ERCC2: variants seen among roughly 807,000 people sequenced by gnomAD.
ERCC2 encodes general transcription and DNA repair factor IIH helicase subunit XPD.
In ERCC2, 90 loss-of-function variants were observed where a neutral mutation model predicts 99.4. That is an observed-to-expected ratio of 0.91 (90% CI 0.76 to 1.08). ERCC2 has a LOEUF of 1.08. ERCC2 is among the 50% of genes least tolerant of loss of function. The pLI is 0.00. For missense variants in ERCC2, 993 were observed against 1,038.1 expected, an observed-to-expected ratio of 0.96 and a Z score of 0.60; for synonymous variants, 497 against 432.4, an observed-to-expected ratio of 1.15 and a Z score of -1.85.
At chr19:45,353,678 G>C (rs952931578) in intron 17 of ERCC2, among the ~76,000 whole-genome samples, 1 of 152,204 alleles carries the variant, frequency 6.6e-6, no homozygotes, top group Non-Finnish European at 1.5e-5. Context: ...CTACAATAGA[G>C]ACAGTGTGGA....
At position 45,368,918 on chromosome 19, in the gene ERCC2, G is replaced by A. The variant is rs1599751038; in HGVS notation, c.246+12C>T. ...CAGTGGGGCTGGAGCACCAGGATGA[G>A]TCCCAGCTTACCTTCTCAATCTCTG... On this transcript the variant is annotated intron_variant, in intron 4 of 22. Transcript: ENST00000391945. The A allele has an allele frequency of 6.2e-7, 1 of 1,614,038 alleles. No individual in the cohort carries two copies. The highest frequency in any genetic ancestry group is 8.5e-7 in the Non-Finnish European group (1 of 1,179,870).
In ERCC2 at chr19:45,364,895, G is replaced by A. The variant is rs758943868; in HGVS notation, c.537C>T (p.Asp179=). 1 of 1,614,136 alleles carries A rather than the reference G, an allele frequency of 6.2e-7. No homozygotes were observed. The highest frequency in any genetic ancestry group is 1.7e-5 in the Admixed American group (1 of 60,022). Residue 179 remains aspartate (D), a synonymous_variant, in exon 7 of 23, where the codon GAC becomes GAT. Transcript: ENST00000391945. ...CCTGGCGCCGCCCCAGGGCCTTCAGGTCATCCAGGTTGTAGATGCCAGCGG... is the reference window on the plus strand; with the variant it reads ...CCTGGCGCCGCCCCAGGGCCTTCAGATCATCCAGGTTGTAGATGCCAGCGG... ...PLPAGIYNLD[D]LKALGRRQGW... is the part of the protein sequence containing the mutation.
At chr19:45,352,103 C>G in intron 22 of ERCC2, 106 bp downstream of exon 22, 2 of 1,289,088 alleles carry the variant, frequency 1.6e-6, no homozygotes, top group Admixed American at 3.9e-5. Context: ...TTGCTGAGGG[C>G]AGGAGGACAG....
chr19:45,363,904 C>T lies in ERCC2; in HGVS notation c.957G>A (p.Val319=), dbSNP rs371612479. 1.9e-6 allele frequency: 3 copies of T among 1,545,536 alleles called. No individual in the cohort carries two copies. In the African/African-American group the frequency reaches 4.1e-5, roughly 21 times the overall value. The change falls in exon 11 of 23, where the codon GTG becomes GTA. Residue 319 remains valine (V), a synonymous_variant. Transcript: ENST00000391945. ...GCTCGGCCGTGCGGATGGAGCCAGG[C>T]ACTGCCTCTGCGAGGAGACGCTATC... ...VLPDEVLQEA[V]PGSIRTAEHF...
chr19:45,351,875 T>C (rs147615336), intron 22 of ERCC2, among the ~76,000 whole-genome samples, 154 bp from the exon 23 acceptor site: 1 of 152,232 alleles, frequency 6.6e-6, no homozygotes, highest in Non-Finnish European at 1.5e-5. Flanking sequence ...GGGCCATCCC[T>C]GTCAACATAA....
intron 1 of ERCC2, 116 bp downstream of exon 1, chr19:45,370,420 T>TA: frequency 1.4e-6 from 2 of 1,447,564 alleles, no homozygotes; most frequent in African/African-American, 1.4e-5. Context: ...GCTGCCCCCG[T>TA]CCCACCCCTT....
At position 45,363,721 on chromosome 19, in the gene ERCC2, C is replaced by T. The variant is rs971359118; in HGVS notation, c.1118+22G>A. ...ACCGGGACCTGCCGGGCCCCCACCC[C>T]GCGCGCTGTCTGGGGCCGCACCTGA... On this transcript the variant is annotated intron_variant, in intron 11 of 22. Coordinates refer to ENST00000391945, the MANE Select transcript of ERCC2 (RefSeq NM_000400.4). 6.6e-6 allele frequency: 10 copies of T among 1,525,686 alleles called. No homozygotes were observed. In the Admixed American group the frequency reaches 7.9e-5, roughly 12 times the overall value. The allele number at this position is 1,525,686 out of a possible 1,614,324, so 94.5% of individuals were successfully genotyped here.
rs3916835 is a variant in ERCC2 at position 45,359,658 on chromosome 19, T to C, written c.1237+1866A>G. 3.0e-3 allele frequency among the ~76,000 whole-genome samples: 453 copies of C among 152,034 alleles called. 1 individual carries two copies. The highest frequency in any genetic ancestry group is 0.01 in the African/African-American group (431 of 41,438). Reference sequence around the variant, plus strand: ...TATCCCAGCCTCTCTACCTCCCACATCTCTCTCCAAACCATACCTTTCTCT... The same window carrying C: ...TATCCCAGCCTCTCTACCTCCCACACCTCTCTCCAAACCATACCTTTCTCT... On this transcript the variant is annotated intron_variant, in intron 12 of 22. Transcript: ENST00000391945.
chr19:45,366,029 G>A (rs749017587), intron 5 of ERCC2, among the ~76,000 whole-genome samples: 1 of 151,768 alleles, frequency 6.6e-6, no homozygotes, highest in Non-Finnish European at 1.5e-5. Context: ...TTGAGATGAG[G>A]TCTTGCTATG....
intron 5 of ERCC2, among the ~76,000 whole-genome samples, chr19:45,366,245 C>T (rs947853926): frequency 2.0e-5 from 3 of 151,788 alleles, no homozygotes; most frequent in Non-Finnish European, 2.9e-5. Flanking sequence ...CAGGTTCAAG[C>T]GATTCTCCTG....
chr19:45,350,308 C>T lies in ERCC2; in HGVS notation c.*1321G>A, dbSNP rs189392989. The T allele has an allele frequency of 1.9e-6, 3 of 1,583,790 alleles. No homozygotes were observed. In the East Asian group the frequency reaches 6.7e-5, roughly 35 times the overall value. On this transcript the variant is annotated 3_prime_UTR_variant, in exon 23 of 23. Coordinates refer to ENST00000391945, the MANE Select transcript of ERCC2 (RefSeq NM_000400.4). ...TGGATGCAGTGTTGGGAACTGGGGT[C>T]CGAAAAGTTCCCAGACACTCCCTTC...
At position 45,361,661 on chromosome 19, in the gene ERCC2, G is replaced by A. The variant is rs3916824; in HGVS notation, c.1119-19C>T. On this transcript the variant is annotated intron_variant, in intron 11 of 22. Coordinates refer to ENST00000391945, the MANE Select transcript of ERCC2 (RefSeq NM_000400.4). ...ACAGAATCTGGCGGGGAGGAGAGACGGGGTCGGGGGGCAGACGGAAGCATG... is the reference window on the plus strand; with the variant it reads ...ACAGAATCTGGCGGGGAGGAGAGACAGGGTCGGGGGGCAGACGGAAGCATG... 4.1e-4 allele frequency: 645 copies of A among 1,559,396 alleles called. 4 individuals carry two copies. In the East Asian group the frequency reaches 0.014, roughly 34 times the overall value.
intron 17 of ERCC2, 142 bp from the exon 18 acceptor site, chr19:45,353,476 G>A: frequency 1.5e-6 from 1 of 684,386 alleles, no homozygotes; most frequent in Middle Eastern, 2.4e-4. Flanking sequence ...GGGTGGAATT[G>A]TCCAACCTCA....
chr19:45,366,529 G>A (rs951995796), intron 5 of ERCC2, among the ~76,000 whole-genome samples: 45 of 152,144 alleles, frequency 3.0e-4, no homozygotes, highest in African/African-American at 9.4e-4. Context: ...ATGCCAAAAC[G>A]CATGGAACCT....
At position 45,351,086 on chromosome 19, in the gene ERCC2, G is replaced by T. The variant is rs1213942406; in HGVS notation, c.*543C>A. ...TAGGTGCAGAGATGAGGCAAAGGCAGGGCGGTCGGGCCAGTGGTGGAGTCA... is the reference window on the plus strand; with the variant it reads ...TAGGTGCAGAGATGAGGCAAAGGCATGGCGGTCGGGCCAGTGGTGGAGTCA... On this transcript the variant is annotated 3_prime_UTR_variant, in exon 23 of 23. Coordinates refer to ENST00000391945, the MANE Select transcript of ERCC2 (RefSeq NM_000400.4). The T allele has an allele frequency of 2.2e-5, 36 of 1,612,454 alleles. No homozygotes were observed. Among genetic ancestry groups the T allele is most frequent in the Admixed American group, 3.3e-5 (2 of 59,792 alleles).
intron 15 of ERCC2, among the ~76,000 whole-genome samples, chr19:45,356,348 C>T (rs541560480): frequency 6.6e-6 from 1 of 152,300 alleles, no homozygotes; most frequent in Non-Finnish European, 1.5e-5. Context: ...GCAAAACCTG[C>T]CCTGCCCCGA....
chr19:45,355,541 G>A, intron 16 of ERCC2, 124 bp downstream of exon 16: 1 of 921,382 alleles, frequency 1.1e-6, no homozygotes, highest in Non-Finnish European at 1.8e-6. Context: ...CCACGGGCAA[G>A]AAGGAAACTC....
At chr19:45,354,892 C>T (rs1971959598) in intron 16 of ERCC2, 41 bp from the exon 17 acceptor site, 2 of 1,612,942 alleles carry the variant, frequency 1.2e-6, no homozygotes, top group East Asian at 2.2e-5. Flanking sequence ...TGGCCCAGGT[C>T]CTCCTCCCTT....
chr19:45,352,408 TCTCCACCCTGCAACCCAC>T, intron 21 of ERCC2, 56 bp from the exon 22 acceptor site: 1 of 1,613,562 alleles, frequency 6.2e-7, no homozygotes, highest in Non-Finnish European at 8.5e-7. Context: ...CCTGGGCCAC[TCTCCACCCTGCAACCCAC>T]CCCACCTGGG....
Sources: allele counts gnomAD v4.1 joint callset (sites outside exome capture counted in the v4.1 genomes callset), GRCh38; gene constraint gnomAD v4.1.1; transcripts MANE v1.5; gene names NCBI Gene and HGNC (gene_info 2026-07-23, HGNC 2026-07-21).